Variants in STEAP1B observed in about 807,000 individuals in gnomAD.
STEAP1B encodes the protein STEAP family protein MGC87042.
In STEAP1B, 13 loss-of-function variants were observed where a neutral mutation model predicts 27.9. The ratio of observed to expected loss-of-function variants is 0.47; its 90% CI spans 0.30 to 0.74. The LOEUF is 0.74. Among genes scored for constraint, STEAP1B ranks in the 30% least tolerant of loss-of-function variants. The probability of loss-of-function intolerance (pLI) is 0.06; values close to 1 mark genes in which losing one functional copy is unlikely to be tolerated. For missense variants in STEAP1B, 250 were observed against 298.7 expected (o/e 0.84, Z 1.20); for synonymous variants, 86 against 107.1 (o/e 0.80, Z 1.22).
intron 4 of STEAP1B, among the ~76,000 whole-genome samples, chr7:22,436,726 A>G (rs960773762): frequency 6.6e-6 from 1 of 152,130 alleles, no homozygotes; most frequent in Non-Finnish European, 1.5e-5. Context: ...ACATGCTCTC[A>G]TTCCTTTTTA....
chr7:22,450,301 A>T (rs1785467517), intron 4 of STEAP1B, among the ~76,000 whole-genome samples: 2 of 152,204 alleles, frequency 1.3e-5, no homozygotes, highest in South Asian at 4.1e-4. Context: ...GTAGTTTCAT[A>T]CTTGGGATCT....
At chr7:22,460,990 G>A (rs888898801) in intron 4 of STEAP1B, among the ~76,000 whole-genome samples, 1 of 152,198 alleles carries the variant, frequency 6.6e-6, no homozygotes, top group Non-Finnish European at 1.5e-5. Flanking sequence ...TGAGCTGAGA[G>A]GCAATACATT....
intron 4 of STEAP1B, among the ~76,000 whole-genome samples, chr7:22,432,417 A>AAATAAATG (rs1454854069): frequency 6.9e-6 from 1 of 143,984 alleles, no homozygotes; most frequent in Non-Finnish European, 1.6e-5. Flanking sequence ...ATAAATAAAT[A>AAATAAATG]AATAAAAGGT....
At chr7:22,489,988 T>C (rs970038553) in intron 4 of STEAP1B, among the ~76,000 whole-genome samples, 1 of 152,252 alleles carries the variant, frequency 6.6e-6, no homozygotes, top group Non-Finnish European at 1.5e-5. Flanking sequence ...GTCCAGCCTC[T>C]GAAGTGCTTG....
In STEAP1B at chr7:22,438,893, T is replaced by G. The variant is rs564263811; in HGVS notation, c.763-19057A>C. ...ATGGGATAAAATCTCAACTATTTTA[T>G]TATTTGGTGACATTTTTATTTGGTA... is the stretch of plus-strand genomic sequence containing the variant. On this transcript the variant is annotated intron_variant, in intron 4 of 4. Transcript: ENST00000678116. The G allele has an allele frequency of 7.9e-5, 94 of 1,192,928 alleles. No homozygotes were observed. The African/African-American group carries it at 1.2e-3, about 15-fold the overall frequency. 73.9% of individuals were successfully genotyped at this position (1,192,928 alleles called of 1,614,324 possible).
At chr7:22,451,406 C>T (rs996181208) in intron 4 of STEAP1B, among the ~76,000 whole-genome samples, 5 of 151,976 alleles carry the variant, frequency 3.3e-5, no homozygotes, top group South Asian at 2.1e-4. Flanking sequence ...TTTCTTTATC[C>T]GATTGCTCTA....
intron 4 of STEAP1B, among the ~76,000 whole-genome samples, chr7:22,427,395 T>G (rs942946627): frequency 1.3e-5 from 2 of 152,142 alleles, no homozygotes; most frequent in Non-Finnish European, 2.9e-5. Flanking sequence ...GAAGTGGGTT[T>G]CAAGAGAAGG....
intron 4 of STEAP1B, among the ~76,000 whole-genome samples, chr7:22,445,273 C>T (rs1186104995): frequency 6.6e-6 from 1 of 152,248 alleles, no homozygotes; most frequent in Non-Finnish European, 1.5e-5. Flanking sequence ...CGTGGAAGAA[C>T]AGCGAGAAAT....
At chr7:22,483,453 G>A (rs902828073) in intron 4 of STEAP1B, among the ~76,000 whole-genome samples, 2 of 152,136 alleles carry the variant, frequency 1.3e-5, no homozygotes, top group African/African-American at 4.8e-5. Context: ...GGCATTCCTC[G>A]TTTTCTGCTA....
intron 1 of STEAP1B, among the ~76,000 whole-genome samples, chr7:22,497,238 A>T (rs1786457827): frequency 6.6e-6 from 1 of 152,220 alleles, no homozygotes. Context: ...AGTGGAAGAG[A>T]GAGATGAGAT....
At chr7:22,456,126 A>G (rs1785575217) in intron 4 of STEAP1B, among the ~76,000 whole-genome samples, 1 of 152,086 alleles carries the variant, frequency 6.6e-6, no homozygotes, top group African/African-American at 2.4e-5. Context: ...CGGCCTGGGC[A>G]ACAGAGCGAG....
In STEAP1B at chr7:22,447,968, T is replaced by C. The variant is rs1035934082; in HGVS notation, c.763-28132A>G. On this transcript the variant is annotated intron_variant, in intron 4 of 4. Coordinates refer to ENST00000678116, the MANE Select transcript of STEAP1B (RefSeq NM_001382447.1). ...TTGGATAAACGTCATGCAACCCATA[T>C]TGGTTTCATTTACCCTAGAAGGGAT... is the stretch of plus-strand genomic sequence containing the variant. Among the ~76,000 whole-genome samples, 3 of 152,346 alleles carry C rather than the reference T, an allele frequency of 2.0e-5. No individual in the cohort carries two copies. In the South Asian group the frequency reaches 6.2e-4, roughly 32 times the overall value.
At chr7:22,479,650 G>C (rs1307339042) in intron 4 of STEAP1B, among the ~76,000 whole-genome samples, 1 of 145,250 alleles carries the variant, frequency 6.9e-6, no homozygotes, top group East Asian at 2.0e-4. Flanking sequence ...GTGGCGTTGT[G>C]CAAGACAGTA....
chr7:22,483,860 T>C (rs1157170814), intron 4 of STEAP1B, among the ~76,000 whole-genome samples: 2 of 152,218 alleles, frequency 1.3e-5, no homozygotes, highest in African/African-American at 4.8e-5. Flanking sequence ...CTCATACAGG[T>C]GTGATTCATG....
chr7:22,481,355 C>G, intron 4 of STEAP1B, among the ~76,000 whole-genome samples: 1 of 152,338 alleles, frequency 6.6e-6, no homozygotes, highest in East Asian at 1.9e-4. Flanking sequence ...CTTTAGCTAA[C>G]CCCTGGGTGC....
At chr7:22,433,711 T>G (rs1361115671) in intron 4 of STEAP1B, among the ~76,000 whole-genome samples, 2 of 152,096 alleles carry the variant, frequency 1.3e-5, no homozygotes, top group Non-Finnish European at 2.9e-5. Flanking sequence ...ATAGACAGAT[T>G]TAGGACTGTG....
intron 4 of STEAP1B, among the ~76,000 whole-genome samples, chr7:22,445,170 C>T (rs1294891507): frequency 6.6e-6 from 1 of 152,212 alleles, no homozygotes; most frequent in East Asian, 1.9e-4. Flanking sequence ...GACTTTTCTG[C>T]ATTATGAGCA....
chr7:22,453,340 G>A (rs1785520483), intron 4 of STEAP1B, among the ~76,000 whole-genome samples: 1 of 152,210 alleles, frequency 6.6e-6, no homozygotes, highest in African/African-American at 2.4e-5. Context: ...ACTGTGCTAT[G>A]TGCATGAGAA....
chr7:22,492,432 T>C lies in STEAP1B; in HGVS notation c.762+133A>G, dbSNP rs55675512. ...GGGAAAACAACAGGAGAGCACATTA[T>C]TAACTGGAACAAGTACAAGATCTTT... is the stretch of plus-strand genomic sequence containing the variant. On this transcript the variant is annotated intron_variant, in intron 4 of 4. Transcript: ENST00000678116. The C allele has an allele frequency of 0.09, 118,735 of 1,313,414 alleles. 5,811 individuals carry two copies. The highest frequency in any genetic ancestry group is 0.096 in the Non-Finnish European group (97,892 of 1,016,530). 81.4% of individuals were successfully genotyped at this position (1,313,414 alleles called of 1,614,324 possible).
Sources: allele counts gnomAD v4.1 joint callset (sites outside exome capture counted in the v4.1 genomes callset), GRCh38; gene constraint gnomAD v4.1.1; transcripts MANE v1.5; gene names NCBI Gene and HGNC (gene_info 2026-07-23, HGNC 2026-07-21).